CSF3: variants seen among roughly 807,000 people sequenced by gnomAD.
CSF3 encodes colony stimulating factor 3, also known as granulocyte colony-stimulating factor.
A neutral mutation model predicts 20.2 loss-of-function variants in CSF3; 17 were observed. The ratio of observed to expected loss-of-function variants is 0.84; its 90% CI spans 0.58 to 1.26. The LOEUF is 1.26. Ranked by LOEUF, CSF3 falls within the 50% of genes most tolerant of loss-of-function variation. The pLI, the probability that CSF3 is intolerant of heterozygous loss-of-function variation, is 0.00. For missense variants in CSF3, 210 were observed against 256.0 expected (o/e 0.82, Z 1.23); for synonymous variants, 125 against 115.3 (o/e 1.08, Z -0.54).
At chr17:40,015,940 T>C in intron 2 of CSF3, 95 bp downstream of exon 2, 1 of 1,451,660 alleles carries the variant, frequency 6.9e-7, no homozygotes. Flanking sequence ...GGAAGGGACG[T>C]GGGAGAATAT....
rs780254653 is a variant in CSF3, at chr17:40,016,601, C to T, written c.420C>T (p.Val140=). The change falls in exon 4 of 5, where the codon GTC becomes GTT. Residue 140 remains valine, a synonymous_variant. Coordinates refer to ENST00000394149, the MANE Select transcript of CSF3 (RefSeq NM_172219.3). The part of the protein sequence containing the change: ...GPTLDTLQLD[V]ADFATTIWQQ... ...CCTTGGACACACTGCAGCTGGACGT[C>T]GCCGACTTTGCCACCACCATCTGGC... 20 of 1,614,152 alleles carry T rather than the reference C, an allele frequency of 1.2e-5. No individual in the cohort carries two copies. The highest frequency in any genetic ancestry group is 1.4e-5 in the Non-Finnish European group (17 of 1,180,026).
In CSF3 at chr17:40,016,277, C is replaced by T. The variant is rs559228813; in HGVS notation, c.240C>T (p.Leu80=). 8.2e-6 allele frequency: 13 copies of T among 1,586,876 alleles called. No homozygotes were observed. The highest frequency in any genetic ancestry group is 7.9e-5 in the South Asian group (7 of 88,598). ...KLCHPEELVL[L]GHSLGIPWAP... ...GCCACCCCGAGGAGCTGGTGCTGCT[C>T]GGACACTCTCTGGGCATCCCCTGGG... The change falls in exon 3 of 5, where the codon CTC becomes CTT. Residue 80 remains leucine (L), a synonymous_variant. Transcript: ENST00000394149.
At position 40,016,532 on chromosome 17, in the gene CSF3, G is replaced by A; in HGVS notation, c.351G>A (p.Gly117=). 1 of 1,614,170 alleles carries A rather than the reference G, an allele frequency of 6.2e-7. No individual in the cohort carries two copies. The highest frequency in any genetic ancestry group is 8.5e-7 in the Non-Finnish European group (1 of 1,180,018). ...QLHSGLFLYQ[G]LLQALEGISP... is the part of the protein sequence containing the mutation. ...ATAGCGGCCTTTTCCTCTACCAGGG[G>A]CTCCTGCAGGCCCTGGAAGGGATCT... The change falls in exon 4 of 5, where the codon GGG becomes GGA. Residue 117 remains glycine, a synonymous_variant. Coordinates refer to ENST00000394149, the MANE Select transcript of CSF3 (RefSeq NM_172219.3).
In CSF3 at chr17:40,015,747, C is replaced by A. The variant is rs746634544; in HGVS notation, c.97C>A (p.Leu33Met). 3.1e-6 allele frequency: 5 copies of A among 1,600,086 alleles called. No homozygotes were observed. Among genetic ancestry groups the A allele is most frequent in the Non-Finnish European group, 4.3e-6 (5 of 1,173,000 alleles). ...CTGGACAGTGCAGGAAGCCACCCCC[C>A]TGGGCCCTGCCAGCTCCCTGCCCCA... is the stretch of plus-strand genomic sequence containing the variant. ...ALWTVQEATPLGPASSLPQSF... is the reference protein window; with the variant it reads ...ALWTVQEATPMGPASSLPQSF... Residue 33 changes from leucine to methionine, a missense_variant, in exon 2 of 5, where the codon CTG (leucine) becomes ATG (methionine). Coordinates refer to ENST00000394149, the MANE Select transcript of CSF3 (RefSeq NM_172219.3).
rs1297262515 is a variant in CSF3, at chr17:40,017,169, G to A, written c.*210G>A. On this transcript the variant is annotated 3_prime_UTR_variant, in exon 5 of 5. Transcript: ENST00000394149. Reference sequence around the variant, plus strand: ...TGGGAGGTAGATAGGTAAATACCAAGTATTTATTACTATGACTGCTCCCCA... The same window carrying A: ...TGGGAGGTAGATAGGTAAATACCAAATATTTATTACTATGACTGCTCCCCA... 1 of 494,406 alleles carries A rather than the reference G, an allele frequency of 2.0e-6. No homozygotes were observed. Among genetic ancestry groups the A allele is most frequent in the African/African-American group, 2.0e-5 (1 of 49,630 alleles). The allele number at this position is 494,406 out of a possible 1,614,324, so 30.6% of individuals were successfully genotyped here.
rs1238121796 is a variant in CSF3 at position 40,016,953 on chromosome 17, G to A, written c.609G>A (p.Gln203=). 1 of 1,576,036 alleles carries A rather than the reference G, an allele frequency of 6.3e-7. No individual in the cohort carries two copies. Among genetic ancestry groups the A allele is most frequent in the Middle Eastern group, 1.8e-4 (1 of 5,448 alleles). ...VSYRVLRHLA[Q]P Reference sequence around the variant, plus strand: ...ACCGCGTTCTACGCCACCTTGCCCAGCCCTGAGCCAAGCCCTCCCCATCCC... The same window carrying A: ...ACCGCGTTCTACGCCACCTTGCCCAACCCTGAGCCAAGCCCTCCCCATCCC... Residue 203 remains glutamine (Q), a synonymous_variant, in exon 5 of 5, where the codon CAG becomes CAA. Transcript: ENST00000394149.
In CSF3 at chr17:40,015,720, C is replaced by G; in HGVS notation, c.70C>G (p.Leu24Val). 1 of 1,595,536 alleles carries G rather than the reference C, an allele frequency of 6.3e-7. No homozygotes were observed. Among genetic ancestry groups the G allele is most frequent in the South Asian group, 1.1e-5 (1 of 88,426 alleles). ...ALQLLLWHSA[L>V]WTVQEATPLG... ...GCAGCTGCTGCTGTGGCACAGTGCA[C>G]TCTGGACAGTGCAGGAAGCCACCCC... The change falls in exon 2 of 5, where the codon CTC (leucine) becomes GTC (valine). Residue 24 changes from leucine (L) to valine (V), a missense_variant. Physicochemically the swap from Leu to Val is conservative, Grantham distance 32. Transcript: ENST00000394149.
At chr17:40,015,586 C>A (rs1427246592) in intron 1 of CSF3, 72 bp downstream of exon 1, 1 of 1,547,764 alleles carries the variant, frequency 6.5e-7, no homozygotes, top group Non-Finnish European at 8.7e-7. Flanking sequence ...GACAGAGGGG[C>A]TGGGGATCCC....
intron 2 of CSF3, 189 bp downstream of exon 2, chr17:40,016,034 G>T: frequency 1.1e-6 from 1 of 944,288 alleles, no homozygotes. Flanking sequence ...GGGCTGGCTG[G>T]GATGGGAGTG....
At chr17:40,016,038 G>T in intron 2 of CSF3, 193 bp downstream of exon 2, 1 of 923,100 alleles carries the variant, frequency 1.1e-6, no homozygotes, top group Non-Finnish European at 1.6e-6. Flanking sequence ...TGGCTGGGAT[G>T]GGAGTGGAGG....
Position 40,017,068 on chromosome 17 carries a change from C to G in CSF3, c.*109C>G, listed in dbSNP as rs2144838284. ...AGAACGGAGCCCCAGGCCTCTGTGTCCTTCCCTGCATTTCTGAGTTTCATT... is the reference window on the plus strand; with the variant it reads ...AGAACGGAGCCCCAGGCCTCTGTGTGCTTCCCTGCATTTCTGAGTTTCATT... On this transcript the variant is annotated 3_prime_UTR_variant, in exon 5 of 5. Coordinates refer to ENST00000394149, the MANE Select transcript of CSF3 (RefSeq NM_172219.3). The G allele has an allele frequency of 9.3e-7, 1 of 1,077,350 alleles. No homozygotes were observed. The highest frequency in any genetic ancestry group is 3.2e-4 in the Middle Eastern group (1 of 3,142). 66.7% of individuals were successfully genotyped at this position (1,077,350 alleles called of 1,614,324 possible).
rs1358208632 is a variant in CSF3 at position 40,016,337 on chromosome 17, G to A, written c.300G>A (p.Gln100=). 6.2e-7 allele frequency: 1 copy of A among 1,612,694 alleles called. No homozygotes were observed. The highest frequency in any genetic ancestry group is 1.7e-5 in the Admixed American group (1 of 59,850). ...PLSSCPSQAL[Q]LAGCLSQLHS... The stretch of plus-strand genomic sequence containing the variant: ...GCAGCTGCCCCAGCCAGGCCCTGCA[G>A]CTGGTGAGTGTCAGGAAAGGATAAG... Residue 100 remains glutamine, a synonymous_variant, in exon 3 of 5, where the codon CAG becomes CAA. Transcript: ENST00000394149.
At position 40,016,157 on chromosome 17, in the gene CSF3, A is replaced by G. The variant is rs1458053221; in HGVS notation, c.196-76A>G. The stretch of plus-strand genomic sequence containing the variant: ...AGGACATGGAGGGAGGGGAAAGACC[A>G]GAGAGTCGGGGAGGACCCGGGAAGG... On this transcript the variant is annotated intron_variant, in intron 2 of 4. Transcript: ENST00000394149. The G allele has an allele frequency of 4.3e-6, 5 of 1,162,374 alleles. No homozygotes were observed. In the African/African-American group the frequency reaches 7.7e-5, roughly 18 times the overall value. The allele number at this position is 1,162,374 out of a possible 1,614,324, so 72.0% of individuals were successfully genotyped here.
Position 40,017,065 on chromosome 17 carries a change from T to G in CSF3, c.*106T>G. ...AGCAGAACGGAGCCCCAGGCCTCTG[T>G]GTCCTTCCCTGCATTTCTGAGTTTC... On this transcript the variant is annotated 3_prime_UTR_variant, in exon 5 of 5. Coordinates refer to ENST00000394149, the MANE Select transcript of CSF3 (RefSeq NM_172219.3). 9.2e-7 allele frequency: 1 copy of G among 1,082,318 alleles called. No individual in the cohort carries two copies. Among genetic ancestry groups the G allele is most frequent in the Admixed American group, 3.2e-5 (1 of 30,922 alleles). The allele number at this position is 1,082,318 out of a possible 1,614,324, so 67.0% of individuals were successfully genotyped here.
chr17:40,016,815 C>T lies in CSF3; in HGVS notation c.471C>T (p.Ala157=), dbSNP rs1981422671. The change falls in exon 5 of 5, where the codon GCC becomes GCT. Residue 157 remains alanine (A), a synonymous_variant. Coordinates refer to ENST00000394149, the MANE Select transcript of CSF3 (RefSeq NM_172219.3). ...IWQQMEELGM[A]PALQPTQGAM... ...CACAGATGGAAGAACTGGGAATGGC[C>T]CCTGCCCTGCAGCCCACCCAGGGTG... 6.2e-7 allele frequency: 1 copy of T among 1,613,006 alleles called. No homozygotes were observed. The highest frequency in any genetic ancestry group is 8.5e-7 in the Non-Finnish European group (1 of 1,180,016).
chr17:40,015,752 C>T lies in CSF3; in HGVS notation c.102C>T (p.Gly34=), dbSNP rs770527668. 1.9e-6 allele frequency: 3 copies of T among 1,601,654 alleles called. No individual in the cohort carries two copies. Among genetic ancestry groups the T allele is most frequent in the Non-Finnish European group, 2.6e-6 (3 of 1,173,718 alleles). ...CAGTGCAGGAAGCCACCCCCCTGGG[C>T]CCTGCCAGCTCCCTGCCCCAGAGCT... ...LWTVQEATPL[G]PASSLPQSFL... The change falls in exon 2 of 5, where the codon GGC becomes GGT. Residue 34 remains glycine, a synonymous_variant. Transcript: ENST00000394149.
chr17:40,015,622 A>G, intron 1 of CSF3, 69 bp from the exon 2 acceptor site: 2 of 1,544,510 alleles, frequency 1.3e-6, no homozygotes, highest in Non-Finnish European at 1.7e-6. Context: ...GATTAAAGGC[A>G]CCCAGTGTCC....
chr17:40,016,026 G>T, intron 2 of CSF3, 181 bp downstream of exon 2: 1 of 1,015,878 alleles, frequency 9.8e-7, no homozygotes. Flanking sequence ...GCTCGGGAGG[G>T]CTGGCTGGGA....
At chr17:40,015,612 G>A in intron 1 of CSF3, 79 bp from the exon 2 acceptor site, 1 of 1,545,354 alleles carries the variant, frequency 6.5e-7, no homozygotes, top group South Asian at 1.2e-5. Context: ...TGGGAATGGG[G>A]ATTAAAGGCA....
Sources: allele counts gnomAD v4.1 joint callset, GRCh38; gene constraint gnomAD v4.1.1; transcripts MANE v1.5; gene names NCBI Gene and HGNC (gene_info 2026-07-23, HGNC 2026-07-21).